Variants in VRK2 observed in about 807,000 individuals in gnomAD.
VRK2 encodes the protein VRK serine/threonine kinase 2.
A neutral mutation model predicts 57.6 loss-of-function variants in VRK2; 60 were observed. The observed-to-expected ratio is 1.04, with a 90% CI of 0.85 to 1.29. The LOEUF is 1.29. Among genes scored for constraint, VRK2 ranks in the 50% most tolerant of loss-of-function variants. The probability of loss-of-function intolerance (pLI) is 0.00; values close to 1 mark genes in which losing one functional copy is unlikely to be tolerated. For missense variants in VRK2, 705 were observed against 588.1 expected, an observed-to-expected ratio of 1.20 and a Z score of -2.06; for synonymous variants, 231 against 199.2, an observed-to-expected ratio of 1.16 and a Z score of -1.35.
At chr2:58,084,582 A>G (rs1262809588) in intron 3 of VRK2, among the ~76,000 whole-genome samples, 1 of 151,852 alleles carries the variant, frequency 6.6e-6, no homozygotes, top group Non-Finnish European at 1.5e-5. Flanking sequence ...TGAGTGTTGT[A>G]TATGTTTATG....
chr2:58,149,888 A>T (rs12713373), intron 12 of VRK2, among the ~76,000 whole-genome samples: 81,170 of 150,406 alleles, frequency 0.54, 22,060 homozygotes, highest in Middle Eastern at 0.6. Flanking sequence ...TTCCTGCTGA[A>T]TTCTGTTTGC....
At chr2:57,966,714 A>C (rs1230867948) in intron 1 of VRK2, among the ~76,000 whole-genome samples, 1 of 152,238 alleles carries the variant, frequency 6.6e-6, no homozygotes, top group Non-Finnish European at 1.5e-5. Context: ...AACAGATACA[A>C]AATATTAAAA....
At chr2:57,924,890 T>C (rs957197748) in intron 1 of VRK2, among the ~76,000 whole-genome samples, 1 of 151,872 alleles carries the variant, frequency 6.6e-6, no homozygotes, top group East Asian at 1.9e-4. Context: ...CCACCTCCAG[T>C]TTTTTTAGGG....
intron 1 of VRK2, among the ~76,000 whole-genome samples, chr2:57,942,241 T>C (rs1671118583): frequency 6.6e-6 from 1 of 152,230 alleles, no homozygotes; most frequent in Admixed American, 6.5e-5. Context: ...ATGCTTCTAT[T>C]GTCTTCTGTA....
intron 1 of VRK2, among the ~76,000 whole-genome samples, chr2:57,931,100 G>A (rs1365912604): frequency 1.3e-5 from 2 of 152,074 alleles, no homozygotes; most frequent in Non-Finnish European, 2.9e-5. Context: ...ATGCTGCAAT[G>A]AACATGGGAA....
At chr2:57,911,879 C>G (rs567240924) in intron 1 of VRK2, among the ~76,000 whole-genome samples, 1 of 152,268 alleles carries the variant, frequency 6.6e-6, no homozygotes, top group African/African-American at 2.4e-5. Flanking sequence ...TCAATTGATA[C>G]ATTATGTATA....
At chr2:58,146,286 T>C in intron 11 of VRK2, 30 bp from the exon 12 acceptor site, 1 of 1,541,092 alleles carries the variant, frequency 6.5e-7, no homozygotes, top group South Asian at 1.3e-5. Flanking sequence ...AAGTTTTCAT[T>C]ATATATTATT....
At position 58,121,577 on chromosome 2, in the gene VRK2, T is replaced by C. The variant is rs1677514831; in HGVS notation, c.544-1524T>C. On this transcript the variant is annotated intron_variant, in intron 7 of 12. Transcript: ENST00000340157. ...GTTTTCAGACAGCCTTGCAAGTTAC[T>C]CCAACAAATGAAGAAAACTCTGTGC... Among the ~76,000 whole-genome samples the C allele has an allele frequency of 2.0e-5, 3 of 152,144 alleles. No homozygotes were observed. In the South Asian group the frequency reaches 6.2e-4, roughly 31 times the overall value.
chr2:57,981,361 C>T (rs1419474483), intron 1 of VRK2, among the ~76,000 whole-genome samples: 1 of 152,148 alleles, frequency 6.6e-6, no homozygotes, highest in Non-Finnish European at 1.5e-5. Flanking sequence ...GGAATGTAGG[C>T]CCCAAACTAT....
chr2:57,953,767 A>G (rs73942253), intron 1 of VRK2, among the ~76,000 whole-genome samples: 4,047 of 151,676 alleles, frequency 0.027, 174 homozygotes, highest in African/African-American at 0.093. Flanking sequence ...GAAGAGAGGG[A>G]AAAAAAAAGT....
intron 1 of VRK2, among the ~76,000 whole-genome samples, chr2:57,975,480 A>G (rs1223897166): frequency 1.3e-5 from 2 of 151,880 alleles, no homozygotes; most frequent in Admixed American, 6.6e-5. Flanking sequence ...CCCTTCCTCC[A>G]TCTCTATTTT....
intron 1 of VRK2, among the ~76,000 whole-genome samples, chr2:57,941,884 C>A (rs1360592109): frequency 6.6e-6 from 1 of 152,176 alleles, no homozygotes; most frequent in Non-Finnish European, 1.5e-5. Context: ...AATGTTAGGG[C>A]AAGTACATAT....
At chr2:58,096,737 C>T (rs962716784) in intron 7 of VRK2, among the ~76,000 whole-genome samples, 2 of 150,702 alleles carry the variant, frequency 1.3e-5, no homozygotes, top group Non-Finnish European at 1.5e-5. Context: ...TTTATCTTGT[C>T]TTCATATATA....
intron 7 of VRK2, among the ~76,000 whole-genome samples, chr2:58,114,375 A>T (rs1676092652): frequency 6.6e-6 from 1 of 152,076 alleles, no homozygotes; most frequent in Non-Finnish European, 1.5e-5. Flanking sequence ...ATGTATGAGT[A>T]GTTGAGAATG....
At chr2:58,156,804 A>G (rs1683948171) in intron 12 of VRK2, among the ~76,000 whole-genome samples, 1 of 152,074 alleles carries the variant, frequency 6.6e-6, no homozygotes, top group South Asian at 2.1e-4. Flanking sequence ...GATGTTTTAT[A>G]GTCCTTGTTT....
chr2:58,084,107 C>T lies in VRK2; in HGVS notation c.155C>T (p.Pro52Leu), dbSNP rs765218773. The change falls in exon 3 of 13, where the codon CCA becomes CTA. Residue 52 changes from proline to leucine, a missense_variant. Coordinates refer to ENST00000340157, the MANE Select transcript of VRK2 (RefSeq NM_006296.7). Reference protein sequence around the residue: ...LIYLAFPTNKPEKDARHVVKV... With the variant: ...LIYLAFPTNKLEKDARHVVKV... ...TCTGCAGCTTTCCCCACAAATAAAC[C>T]AGAGAAAGATGCAAGACATGTAGTA... The T allele has an allele frequency of 6.2e-7, 1 of 1,605,244 alleles. No individual in the cohort carries two copies. Among genetic ancestry groups the T allele is most frequent in the South Asian group, 1.1e-5 (1 of 89,310 alleles).
Position 57,963,264 on chromosome 2 carries a change from G to T in VRK2, c.-439+55425G>T, listed in dbSNP as rs1223539809. ...AGCATTTTATTAAAGCTCAGCTCATGTGTCTGTAGTCTGTTTTTCAAGATG... is the reference window on the plus strand; with the variant it reads ...AGCATTTTATTAAAGCTCAGCTCATTTGTCTGTAGTCTGTTTTTCAAGATG... On this transcript the variant is annotated intron_variant, in intron 1 of 15. Transcript: ENST00000417641. Among the ~76,000 whole-genome samples the T allele has an allele frequency of 3.3e-5, 5 of 152,272 alleles. No individual in the cohort carries two copies. The East Asian group carries it at 7.7e-4, about 23-fold the overall frequency.
intron 1 of VRK2, among the ~76,000 whole-genome samples, chr2:57,948,301 C>T (rs1671322678): frequency 6.6e-6 from 1 of 152,182 alleles, no homozygotes; most frequent in South Asian, 2.1e-4. Flanking sequence ...TCCTCATTAA[C>T]TGCTGCCATA....
At chr2:57,944,529 G>A (rs1477019567) in intron 1 of VRK2, among the ~76,000 whole-genome samples, 1 of 152,222 alleles carries the variant, frequency 6.6e-6, no homozygotes, top group Non-Finnish European at 1.5e-5. Context: ...GACGTCAGGA[G>A]ATCAAGACCA....
Sources: gnomAD v4.1 joint callset for allele counts (sites outside exome capture counted in the v4.1 genomes callset) on GRCh38, gnomAD v4.1.1 for gene constraint, MANE v1.5 for transcripts, NCBI Gene and HGNC (gene_info 2026-07-23, HGNC 2026-07-21) for gene names.